Variants in TMEM131 observed in about 807,000 individuals in gnomAD.
TMEM131 encodes the protein transmembrane protein 131, also known as 2610524E03Rik.
Under a neutral mutation model 211.6 loss-of-function variants are expected in TMEM131, and 66 were observed. The ratio of observed to expected loss-of-function variants is 0.31; its 90% CI spans 0.26 to 0.38. The LOEUF (loss-of-function observed/expected upper bound fraction) is 0.38, where lower values mean the gene tolerates loss of function less well. Among genes scored for constraint, TMEM131 ranks in the 10% least tolerant of loss-of-function variants. The pLI is 1.00. For missense variants in TMEM131, 2,036 were observed against 2,299.3 expected (o/e 0.89, Z 2.34); for synonymous variants, 844 against 841.3 (o/e 1.00, Z -0.06).
chr2:97,878,286 G>T (rs1674779888), intron 4 of TMEM131, among the ~76,000 whole-genome samples: 1 of 152,234 alleles, frequency 6.6e-6, no homozygotes, highest in African/African-American at 2.4e-5. Context: ...GTAGAATACA[G>T]TGTGGTGATT....
chr2:97,932,667 A>C lies in TMEM131; in HGVS notation c.188-5180T>G, dbSNP rs1026579811. On this transcript the variant is annotated intron_variant, in intron 1 of 40. Coordinates refer to ENST00000186436, the MANE Select transcript of TMEM131 (RefSeq NM_015348.2). Reference sequence around the variant, plus strand: ...TCATCTAAAAAGATCTGTAAACTTCAGTTATAAAATGTAGAACTAATGCTC... The same window carrying C: ...TCATCTAAAAAGATCTGTAAACTTCCGTTATAAAATGTAGAACTAATGCTC... Among the ~76,000 whole-genome samples, 7 of 152,218 alleles carry C rather than the reference A, an allele frequency of 4.6e-5. No individual in the cohort carries two copies. The East Asian group carries it at 7.7e-4, about 17-fold the overall frequency.
At chr2:97,872,201 C>A (rs956150122) in intron 4 of TMEM131, among the ~76,000 whole-genome samples, 2 of 152,154 alleles carry the variant, frequency 1.3e-5, no homozygotes, top group Admixed American at 6.5e-5. Flanking sequence ...GGAGTCAGCA[C>A]TGGGGTCAAG....
Position 97,995,505 on chromosome 2 carries a change from A to G in TMEM131, c.158T>C (p.Val53Ala). The G allele has an allele frequency of 7.1e-7, 1 of 1,413,648 alleles. No individual in the cohort carries two copies. Among genetic ancestry groups the G allele is most frequent in the South Asian group, 1.5e-5 (1 of 67,772 alleles). 87.6% of individuals were successfully genotyped at this position (1,413,648 alleles called of 1,614,324 possible). Residue 53 changes from valine (V) to alanine (A), a missense_variant, in exon 1 of 41, where the codon GTA (valine) becomes GCA (alanine). By Grantham distance (64) the Val-to-Ala change is moderately conservative. Coordinates refer to ENST00000186436, the MANE Select transcript of TMEM131 (RefSeq NM_015348.2). The part of the protein sequence containing the change: ...LGALHLVMTL[V>A]VAAARAEKEA... ...CTTCTCGGCCCGCGCCGCAGCCACT[A>G]CGAGGGTCATCACCAGGTGCAGCGC...
chr2:97,897,586 AG>A (rs1675666972), intron 3 of TMEM131, among the ~76,000 whole-genome samples: 1 of 152,130 alleles, frequency 6.6e-6, no homozygotes, highest in Non-Finnish European at 1.5e-5. Flanking sequence ...TTGCATTCCT[AG>A]GATAAAACCC....
At chr2:97,760,453 G>A in intron 38 of TMEM131, 140 bp downstream of exon 38, 3 of 781,894 alleles carry the variant, frequency 3.8e-6, no homozygotes, top group East Asian at 5.4e-5. Context: ...TGATTTCTTA[G>A]AGGCACTTGA....
chr2:97,815,669 G>A (rs559826068), intron 12 of TMEM131, among the ~76,000 whole-genome samples: 1 of 152,176 alleles, frequency 6.6e-6, no homozygotes, highest in South Asian at 2.1e-4. Context: ...TCGTTGCGGA[G>A]GCTGTTGTGT....
chr2:97,944,167 G>A (rs371403337), intron 1 of TMEM131, among the ~76,000 whole-genome samples: 3 of 152,050 alleles, frequency 2.0e-5, no homozygotes, highest in African/African-American at 7.2e-5. Flanking sequence ...ACAAACCCTC[G>A]CATTTATGGC....
chr2:97,815,067 G>A, intron 13 of TMEM131, 132 bp downstream of exon 13: 1 of 478,734 alleles, frequency 2.1e-6, no homozygotes, highest in East Asian at 3.5e-5. Context: ...TTATAGTTGG[G>A]GCTGTTCTTT....
chr2:97,962,018 G>A (rs1420358187), intron 1 of TMEM131, among the ~76,000 whole-genome samples: 1 of 152,072 alleles, frequency 6.6e-6, no homozygotes, highest in Non-Finnish European at 1.5e-5. Flanking sequence ...AGCTCAGAAT[G>A]GATTACAGAC....
At chr2:97,904,998 T>C (rs1224492825) in intron 3 of TMEM131, among the ~76,000 whole-genome samples, 5 of 152,204 alleles carry the variant, frequency 3.3e-5, no homozygotes, top group African/African-American at 4.8e-5. Context: ...GTTTTTAAAA[T>C]GTTAGAAATT....
At chr2:97,869,315 G>A (rs907646397) in intron 4 of TMEM131, among the ~76,000 whole-genome samples, 3 of 152,198 alleles carry the variant, frequency 2.0e-5, no homozygotes, top group Non-Finnish European at 2.9e-5. Flanking sequence ...TGCAGGAGAG[G>A]GCTGTGGGGA....
At chr2:97,823,962 A>G (rs531157023) in intron 11 of TMEM131, among the ~76,000 whole-genome samples, 2 of 152,306 alleles carry the variant, frequency 1.3e-5, no homozygotes, top group South Asian at 4.1e-4. Flanking sequence ...TCGGTGTTCT[A>G]TAATAGGGAC....
chr2:97,779,989 C>T (rs751871388), intron 31 of TMEM131, among the ~76,000 whole-genome samples: 3 of 152,114 alleles, frequency 2.0e-5, no homozygotes, highest in Non-Finnish European at 4.4e-5. Context: ...CACTGCACTC[C>T]ATCCTGGGTT....
chr2:97,763,599 A>G (rs1678988457), intron 35 of TMEM131: 1 of 152,440 alleles, frequency 6.6e-6, no homozygotes, highest in Admixed American at 6.5e-5. Flanking sequence ...CCACGTCTAC[A>G]CTGTCGGCTT....
chr2:97,783,064 A>C (rs1394010247), intron 31 of TMEM131, among the ~76,000 whole-genome samples: 1 of 152,102 alleles, frequency 6.6e-6, no homozygotes, highest in African/African-American at 2.4e-5. Flanking sequence ...AAAGACAAAA[A>C]AACCTTGAAA....
At chr2:97,946,298 T>G (rs970852436) in intron 1 of TMEM131, among the ~76,000 whole-genome samples, 3 of 151,272 alleles carry the variant, frequency 2.0e-5, no homozygotes, top group African/African-American at 7.3e-5. Context: ...AAGCAGAAAA[T>G]AGAGAAAAAT....
intron 4 of TMEM131, among the ~76,000 whole-genome samples, chr2:97,865,112 G>C (rs1674220458): frequency 6.6e-6 from 1 of 152,244 alleles, no homozygotes; most frequent in South Asian, 2.1e-4. Flanking sequence ...CCATTTTGGG[G>C]ATTATCTCTC....
Position 97,884,817 on chromosome 2 carries a change from A to T in TMEM131, c.359+3235T>A, listed in dbSNP as rs151076881. 1.4e-4 allele frequency among the ~76,000 whole-genome samples: 21 copies of T among 152,274 alleles called. 1 individual carries two copies. In the East Asian group the frequency reaches 4.1e-3, roughly 29 times the overall value. Reference sequence around the variant, plus strand: ...CTCAGTCTGTATGACTTTACAGATGAGGTGAGTTTCTTACAGGCAGTATAT... The same window carrying T: ...CTCAGTCTGTATGACTTTACAGATGTGGTGAGTTTCTTACAGGCAGTATAT... On this transcript the variant is annotated intron_variant, in intron 4 of 40. Coordinates refer to ENST00000186436, the MANE Select transcript of TMEM131 (RefSeq NM_015348.2).
chr2:97,906,093 T>C (rs182796024), intron 3 of TMEM131, among the ~76,000 whole-genome samples: 9 of 152,314 alleles, frequency 5.9e-5, no homozygotes, highest in African/African-American at 1.7e-4. Flanking sequence ...TCAAGACACC[T>C]AAGGTATATG....
Sources: allele counts gnomAD v4.1 joint callset (sites outside exome capture counted in the v4.1 genomes callset), GRCh38; gene constraint gnomAD v4.1.1; transcripts MANE v1.5; gene names NCBI Gene and HGNC (gene_info 2026-07-23, HGNC 2026-07-21).